The following CDK19 variants were observed in gnomAD, a reference collection of about 807,000 sequenced individuals.
CDK19 encodes the protein cyclin-dependent kinase 19.
In CDK19, 20 loss-of-function variants were observed where a neutral mutation model predicts 68.3. The observed-to-expected ratio is 0.29, with a 90% CI of 0.21 to 0.43. The LOEUF (loss-of-function observed/expected upper bound fraction) is 0.43. Among genes scored for constraint, CDK19 ranks in the 20% least tolerant of loss-of-function variants. CDK19 has a pLI of 1.00. For missense variants in CDK19, 339 were observed against 623.5 expected, an observed-to-expected ratio of 0.54 and a Z score of 4.86; for synonymous variants, 221 against 222.8, an observed-to-expected ratio of 0.99 and a Z score of 0.07.
chr6:110,813,072 A>G (rs936314867), intron 1 of CDK19: 2 of 151,170 alleles, frequency 1.3e-5, no homozygotes, highest in African/African-American at 4.9e-5. Flanking sequence ...GAAAAAAAGC[A>G]TTATATTTTG....
intron 2 of CDK19, among the ~76,000 whole-genome samples, chr6:110,689,117 G>T (rs1041296888): frequency 6.6e-6 from 1 of 152,132 alleles, no homozygotes; most frequent in African/African-American, 2.4e-5. Flanking sequence ...ACTGGGTGGG[G>T]CTTACTGCCG....
At chr6:110,618,823 C>T (rs1778520834) in intron 12 of CDK19, among the ~76,000 whole-genome samples, 1 of 105,020 alleles carries the variant, frequency 9.5e-6, no homozygotes, top group African/African-American at 4.5e-5. Flanking sequence ...GCAGACAGCC[C>T]CTCCCTCTGC....
chr6:110,697,813 A>G (rs1485785473), intron 2 of CDK19, among the ~76,000 whole-genome samples: 2 of 152,210 alleles, frequency 1.3e-5, no homozygotes, highest in Non-Finnish European at 2.9e-5. Flanking sequence ...GCATAAAAAT[A>G]GGCACACAGA....
intron 2 of CDK19, among the ~76,000 whole-genome samples, chr6:110,738,511 C>G (rs1293009103): frequency 1.3e-5 from 2 of 152,026 alleles, no homozygotes; most frequent in Non-Finnish European, 2.9e-5. Flanking sequence ...CAGAGCAAGA[C>G]TCTGTCTCAA....
intron 6 of CDK19, among the ~76,000 whole-genome samples, chr6:110,629,320 C>T (rs1035605256): frequency 4.6e-5 from 7 of 152,178 alleles, no homozygotes; most frequent in African/African-American, 1.7e-4. Flanking sequence ...GGTTTCTTTC[C>T]TCTATCAATG....
intron 5 of CDK19, among the ~76,000 whole-genome samples, chr6:110,637,092 C>T (rs1190267006): frequency 5.3e-5 from 8 of 152,220 alleles, no homozygotes; most frequent in Admixed American, 5.2e-4. Context: ...GAGGAAGCTA[C>T]AACCTCTCTA....
At chr6:110,677,442 T>C (rs1294628383) in intron 2 of CDK19, among the ~76,000 whole-genome samples, 1 of 151,992 alleles carries the variant, frequency 6.6e-6, no homozygotes, top group East Asian at 1.9e-4. Flanking sequence ...GGTGGGCACC[T>C]GTAGTCCCAG....
chr6:110,744,953 G>T (rs1777970178), intron 2 of CDK19, among the ~76,000 whole-genome samples: 1 of 152,148 alleles, frequency 6.6e-6, no homozygotes, highest in South Asian at 2.1e-4. Flanking sequence ...GGCAATATAT[G>T]TAATAGTTAT....
At chr6:110,708,629 C>G (rs564298672) in intron 2 of CDK19, among the ~76,000 whole-genome samples, 41 of 152,306 alleles carry the variant, frequency 2.7e-4, no homozygotes, top group African/African-American at 9.6e-4. Context: ...TGATGTGTAA[C>G]TTCCCTCTAC....
chr6:110,703,144 T>C (rs146613939), intron 2 of CDK19, among the ~76,000 whole-genome samples: 1 of 152,224 alleles, frequency 6.6e-6, no homozygotes, highest in East Asian at 1.9e-4. Flanking sequence ...GAAACCAGCA[T>C]TTCCCCCACC....
intron 12 of CDK19, among the ~76,000 whole-genome samples, chr6:110,617,660 TATACACACACACAC>T (rs1464846254): frequency 4.5e-5 from 3 of 66,834 alleles, no homozygotes; most frequent in Non-Finnish European, 8.0e-5. Context: ...TTTATATATA[TATACACACACACAC>T]ACACACACAC....
chr6:110,620,330 A>G (rs1471518961), intron 12 of CDK19, among the ~76,000 whole-genome samples: 1 of 152,086 alleles, frequency 6.6e-6, no homozygotes, highest in Non-Finnish European at 1.5e-5. Context: ...TCTCTATCCT[A>G]TGCACTCATC....
chr6:110,642,943 A>C (rs1216135052), intron 4 of CDK19, among the ~76,000 whole-genome samples: 2 of 152,188 alleles, frequency 1.3e-5, no homozygotes, highest in African/African-American at 4.8e-5. Flanking sequence ...ATTGCACAAG[A>C]GATAACAAAC....
chr6:110,814,947 C>T, intron 1 of CDK19, 62 bp downstream of exon 1: 1 of 1,593,036 alleles, frequency 6.3e-7, no homozygotes, highest in Non-Finnish European at 8.5e-7. Context: ...CCCACCCATC[C>T]CGCCAGGTCG....
intron 2 of CDK19, among the ~76,000 whole-genome samples, chr6:110,724,712 G>C (rs1776196782): frequency 6.6e-6 from 1 of 152,084 alleles, no homozygotes; most frequent in Admixed American, 6.6e-5. Context: ...TGGCAATCAA[G>C]TACGGTGAAT....
At chr6:110,673,405 T>G (rs1222971715) in intron 2 of CDK19, among the ~76,000 whole-genome samples, 1 of 152,244 alleles carries the variant, frequency 6.6e-6, no homozygotes, top group African/African-American at 2.4e-5. Flanking sequence ...GTTCTCTATA[T>G]ATTGGTGTAT....
At chr6:110,616,222 T>C (rs1778305692) in intron 12 of CDK19, among the ~76,000 whole-genome samples, 1 of 152,170 alleles carries the variant, frequency 6.6e-6, no homozygotes, top group Admixed American at 6.5e-5. Context: ...GGTTACACTT[T>C]GAGTTAAACA....
intron 1 of CDK19, among the ~76,000 whole-genome samples, chr6:110,803,176 T>G (rs575023781): frequency 1.3e-5 from 2 of 152,206 alleles, no homozygotes; most frequent in East Asian, 3.9e-4. Flanking sequence ...GCCTCCCAGG[T>G]TCACGCCATT....
At chr6:110,700,522 T>G (rs981962914) in intron 2 of CDK19, 1 of 152,130 alleles carries the variant, frequency 6.6e-6, no homozygotes, top group African/African-American at 2.4e-5. Flanking sequence ...CTGTTCACTC[T>G]CACTGAGGAA....
Sources: allele counts gnomAD v4.1 joint callset (sites outside exome capture counted in the v4.1 genomes callset), GRCh38; gene constraint gnomAD v4.1.1; transcripts MANE v1.5; gene names NCBI Gene and HGNC (gene_info 2026-07-23, HGNC 2026-07-21).